COMMD5: variants seen among roughly 807,000 people sequenced by gnomAD.
The protein encoded by COMMD5 is COMM domain-containing protein 5.
In COMMD5, 10 loss-of-function variants were observed where a neutral mutation model predicts 6.9. That is an observed-to-expected ratio of 1.44 (90% CI 0.89 to 2.45). The LOEUF (loss-of-function observed/expected upper bound fraction) is 2.45. COMMD5 is among the 30% of genes most tolerant of loss of function. COMMD5 has a pLI of 0.00. For missense variants in COMMD5, 234 were observed against 287.8 expected (o/e 0.81, Z 1.35); for synonymous variants, 127 against 125.3 (o/e 1.01, Z -0.09).
intron 1 of COMMD5, chr8:144,841,812 C>G: frequency 6.2e-7 from 1 of 1,614,160 alleles, no homozygotes; most frequent in Non-Finnish European, 8.5e-7. Flanking sequence ...TATCTGACTG[C>G]TTGCAGGGGA....
At chr8:144,846,349 G>C, downstream of COMMD5, 1 of 640,062 alleles carries the variant, frequency 1.6e-6, no homozygotes, top group Non-Finnish European at 2.6e-6. Context: ...TTACATTTCT[G>C]AATGGTTGGG....
At position 144,851,330 on chromosome 8, in the gene COMMD5, A is replaced by G. The variant is rs750859316; in HGVS notation, c.9T>C (p.Ala3=). 1 of 1,605,734 alleles carries G rather than the reference A, an allele frequency of 6.2e-7. No individual in the cohort carries two copies. Among genetic ancestry groups the G allele is most frequent in the Non-Finnish European group, 8.5e-7 (1 of 1,173,996 alleles). Residue 3 remains alanine, a synonymous_variant, in exon 2 of 2, where the codon GCT becomes GCC. Coordinates refer to ENST00000305103, the MANE Select transcript of COMMD5 (RefSeq NM_014066.4). Reference sequence around the variant, plus strand: ...GCAGGTATGGAGTTGCAGCCCCCACAGCAGACATTGCTGCTGCTTCCTCTT... The same window carrying G: ...GCAGGTATGGAGTTGCAGCCCCCACGGCAGACATTGCTGCTGCTTCCTCTT... MS[A]VGAATPYLHH...
At chr8:144,849,829 G>A (rs948032295), downstream of COMMD5, among the ~76,000 whole-genome samples, 9 of 149,304 alleles carry the variant, frequency 6.0e-5, no homozygotes, top group African/African-American at 1.5e-4. Context: ...ACCAGATCAC[G>A]TCTCTCCTCT....
At chr8:144,851,725 G>A (rs1325915999) in intron 1 of COMMD5, among the ~76,000 whole-genome samples, 5 of 152,114 alleles carry the variant, frequency 3.3e-5, no homozygotes, top group Admixed American at 6.6e-5. Flanking sequence ...ACGGTCCGGG[G>A]AACACAGGGA....
At chr8:144,840,986 G>A, downstream of COMMD5, 1 of 216,080 alleles carries the variant, frequency 4.6e-6, no homozygotes. Flanking sequence ...CTCGGATGCT[G>A]GAGCCCCTGA....
downstream of COMMD5, chr8:144,846,310 T>A: frequency 1.1e-6 from 1 of 899,004 alleles, no homozygotes; most frequent in Non-Finnish European, 1.6e-6. Context: ...TGGTCCTAAG[T>A]CAGGGGCTGG....
At chr8:144,841,058 C>T (rs1829837577) in exon 2 of COMMD5, 1 of 357,702 alleles carries the variant, frequency 2.8e-6, no homozygotes, top group South Asian at 4.6e-5. Context: ...TCCTTTGCCT[C>T]TGCATGGACT....
chr8:144,841,560 C>T (rs1021116156), exon 2 of COMMD5: 2 of 1,614,076 alleles, frequency 1.2e-6, no homozygotes, highest in African/African-American at 2.7e-5. Flanking sequence ...TCCAAAATAA[C>T]TGTTTGAATG....
downstream of COMMD5, chr8:144,838,259 C>G: frequency 1.6e-6 from 1 of 638,592 alleles, no homozygotes; most frequent in Non-Finnish European, 2.9e-6. Context: ...GGGTTAGGGG[C>G]CACCCCAGTG....
downstream of COMMD5, among the ~76,000 whole-genome samples, chr8:144,839,743 T>C (rs1829609668): frequency 6.6e-6 from 1 of 152,148 alleles, no homozygotes; most frequent in South Asian, 2.1e-4. Flanking sequence ...AATGCCCAGA[T>C]ATGTTACTTG....
chr8:144,846,232 C>T, downstream of COMMD5: 1 of 1,496,536 alleles, frequency 6.7e-7, no homozygotes, highest in Non-Finnish European at 8.9e-7. Context: ...CTAACAGCAA[C>T]CAGCCAAAAA....
chr8:144,847,294 T>G (rs1472417654), downstream of COMMD5: 1 of 152,244 alleles, frequency 6.6e-6, no homozygotes. Context: ...CTAAAGAGTT[T>G]CCAGGCCAGG....
In COMMD5 at chr8:144,850,867, G is replaced by C; in HGVS notation, c.472C>G (p.Arg158Gly). Residue 158 changes from arginine to glycine, a missense_variant, in exon 2 of 2, where the codon CGG becomes GGG. Physicochemically the swap from Arg to Gly is moderately radical, Grantham distance 125 (BLOSUM62 -2). Transcript: ENST00000305103. The surrounding 1 kb of genome is among the most constrained non-coding windows in gnomAD (Gnocchi z 4.0). ...CTGGTGGAGATTGCTACATCCACCC[G>C]CCACCGAAAGTCAGCAACATGCGGC... Reference protein sequence around the residue: ...WLPHVADFRWRVDVAISTSAL... With the variant: ...WLPHVADFRWGVDVAISTSAL... 6.2e-7 allele frequency: 1 copy of C among 1,613,062 alleles called. No individual in the cohort carries two copies. The highest frequency in any genetic ancestry group is 1.1e-5 in the South Asian group (1 of 90,982).
exon 2 of COMMD5, chr8:144,841,459 C>CA: frequency 6.2e-7 from 1 of 1,614,240 alleles, no homozygotes. Context: ...GGACTTTCCT[C>CA]AGAATCCTGG....
intron 1 of COMMD5, chr8:144,842,039 G>A (rs773588606): frequency 1.2e-6 from 2 of 1,614,182 alleles, no homozygotes; most frequent in South Asian, 1.1e-5. Flanking sequence ...TGTGAGGAAT[G>A]TGGAAAAGCT....
At chr8:144,840,669 G>C (rs1034443655), downstream of COMMD5, among the ~76,000 whole-genome samples, 1 of 152,086 alleles carries the variant, frequency 6.6e-6, no homozygotes, top group Non-Finnish European at 1.5e-5. Context: ...AAGGCCTCCT[G>C]GGGGCCTCCA....
chr8:144,843,056 T>C (rs1474476700), intron 1 of COMMD5: 1 of 1,614,124 alleles, frequency 6.2e-7, no homozygotes, highest in Non-Finnish European at 8.5e-7. Flanking sequence ...TCACACCTAA[T>C]TATACACCAG....
chr8:144,841,919 T>G, intron 1 of COMMD5: 1 of 1,614,038 alleles, frequency 6.2e-7, no homozygotes, highest in Non-Finnish European at 8.5e-7. Flanking sequence ...CATCAGAGAA[T>G]CCACACGGGA....
downstream of COMMD5, among the ~76,000 whole-genome samples, chr8:144,839,304 G>C (rs1352211390): frequency 1.3e-5 from 2 of 152,266 alleles, no homozygotes; most frequent in African/African-American, 2.4e-5. Context: ...GGGCCTTGCA[G>C]CCGCCCAGGA....
Sources: gnomAD v4.1 joint callset for allele counts (sites outside exome capture counted in the v4.1 genomes callset) on GRCh38, gnomAD v4.1.1 for gene constraint, Gnocchi (gnomAD v3.1) non-coding constraint, MANE v1.5 for transcripts, NCBI Gene and HGNC (gene_info 2026-07-23, HGNC 2026-07-21) for gene names.